LRRC41: variants seen among roughly 807,000 people sequenced by gnomAD.
LRRC41 encodes the protein leucine rich repeat containing 41.
LRRC41 carries 17 observed loss-of-function variants against 72.1 expected under a neutral mutation model. That is an observed-to-expected ratio of 0.24 (90% CI 0.16 to 0.35). LRRC41 has a LOEUF of 0.35. Among genes scored for constraint, LRRC41 ranks in the 10% least tolerant of loss-of-function variants. The probability of loss-of-function intolerance (pLI) is 1.00; values close to 1 mark genes in which losing one functional copy is unlikely to be tolerated. For synonymous variants in LRRC41, 427 were observed against 431.0 expected (o/e 0.99, Z 0.11); for missense variants, 759 against 1,065.0 (o/e 0.71, Z 4.00).
chr1:46,284,429 A>G (rs1396808558), intron 4 of LRRC41: 1 of 152,200 alleles, frequency 6.6e-6, no homozygotes, highest in Non-Finnish European at 1.5e-5. Flanking sequence ...AATACTTAAA[A>G]TATGCCAGAC....
chr1:46,280,733 A>G (rs534839911), intron 5 of LRRC41, among the ~76,000 whole-genome samples, 173 bp from the exon 6 acceptor site: 1 of 152,362 alleles, frequency 6.6e-6, no homozygotes, highest in African/African-American at 2.4e-5. Flanking sequence ...AGCACTAAAT[A>G]TGAGATTTAG....
Position 46,285,894 on chromosome 1 carries a change from C to T in LRRC41, c.963G>A (p.Arg321=), listed in dbSNP as rs770766985. 1.2e-5 allele frequency: 18 copies of T among 1,553,184 alleles called. 1 individual carries two copies. The South Asian group carries it at 1.8e-4, about 16-fold the overall frequency. ...TCTCCTGTGTGCTCCGGCGTGTTAC[C>T]CGAGTGGCAGGTGCAGCTCTGGGCA... ...KQMPRAAPAT[R]VTRRSTQESL... is the part of the protein sequence containing the mutation. Residue 321 remains arginine (R), a synonymous_variant, in exon 4 of 10, where the codon CGG becomes CGA. Coordinates refer to ENST00000617190, the MANE Select transcript of LRRC41 (RefSeq NM_006369.5). This position sits in a 1 kb window ranked among gnomAD's most constrained non-coding sequence, Gnocchi z 5.3.
rs1661271515 is a variant in LRRC41, at chr1:46,302,802, G to C, written c.199+322C>G. 1.0e-6 allele frequency: 1 copy of C among 985,156 alleles called. No individual in the cohort carries two copies. The highest frequency in any genetic ancestry group is 1.2e-6 in the Non-Finnish European group (1 of 829,854). The allele number at this position is 985,156 out of a possible 1,614,324, so 61.0% of individuals were successfully genotyped here. On this transcript the variant is annotated intron_variant, in intron 1 of 9. Transcript: ENST00000617190. The surrounding 1 kb of genome is among the most constrained non-coding windows in gnomAD (Gnocchi z 4.7). Reference sequence around the variant, plus strand: ...AGACTCTCCTGCCCGGCCCAGCCGAGTGTCAGTTCGCGCGGCCCACAGCCG... The same window carrying C: ...AGACTCTCCTGCCCGGCCCAGCCGACTGTCAGTTCGCGCGGCCCACAGCCG...
intron 1 of LRRC41, chr1:46,301,900 A>C (rs1569670599): frequency 2.1e-6 from 2 of 935,962 alleles, no homozygotes; most frequent in African/African-American, 2.0e-5. Context: ...TCCCGACCCC[A>C]CCCTCACAGA....
chr1:46,281,424 G>C (rs1557712893), intron 4 of LRRC41, 39 bp from the exon 5 acceptor site: 10 of 1,599,858 alleles, frequency 6.3e-6, no homozygotes, highest in Non-Finnish European at 8.6e-6. Context: ...CCATGTGGGA[G>C]TGTCAGCAGG....
chr1:46,298,517 C>T (rs1661168433), intron 1 of LRRC41, 147 bp from the exon 2 acceptor site: 1 of 540,778 alleles, frequency 1.8e-6, no homozygotes, highest in Non-Finnish European at 3.3e-6. Flanking sequence ...TAATCTAGAT[C>T]TGTTCCAAAC....
chr1:46,284,644 G>A (rs1413247625), intron 4 of LRRC41, among the ~76,000 whole-genome samples: 1 of 152,040 alleles, frequency 6.6e-6, no homozygotes, highest in East Asian at 1.9e-4. Context: ...AGAGTTTATA[G>A]GCTGCTTAGC....
At position 46,285,755 on chromosome 1, in the gene LRRC41, A is replaced by C; in HGVS notation, c.1102T>G (p.Ser368Ala). ...CGTTTGTATGAGGATGTAGAAGAAG[A>C]GGCAGAGGAGGTGGCTGCTGGAGCA... ...PSAPAATSSASSSTSSYKRAP... is the reference protein window; with the variant it reads ...PSAPAATSSAASSTSSYKRAP... The change falls in exon 4 of 10, where the codon TCT becomes GCT. Residue 368 changes from serine to alanine, a missense_variant. Transcript: ENST00000617190. This position sits in a 1 kb window ranked among gnomAD's most constrained non-coding sequence, Gnocchi z 5.3. 1.2e-6 allele frequency: 2 copies of C among 1,600,792 alleles called. No homozygotes were observed. Among genetic ancestry groups the C allele is most frequent in the Non-Finnish European group, 1.7e-6 (2 of 1,173,460 alleles).
intron 1 of LRRC41, chr1:46,301,981 T>C: frequency 1.0e-6 from 1 of 985,280 alleles, no homozygotes. Context: ...AGAGCCTCAC[T>C]TTCCCCTCTT....
Position 46,278,417 on chromosome 1 carries a change from T to C in LRRC41, c.*448A>G, listed in dbSNP as rs1404069756. On this transcript the variant is annotated 3_prime_UTR_variant, in exon 10 of 10. Transcript: ENST00000617190. ...GGGCTGCATGATGTTTGCCCAAAATTTATTTTATAAGAAAAACTTTTTTGG... is the reference window on the plus strand; with the variant it reads ...GGGCTGCATGATGTTTGCCCAAAATCTATTTTATAAGAAAAACTTTTTTGG... 7.4e-6 allele frequency: 8 copies of C among 1,075,472 alleles called. No individual in the cohort carries two copies. The highest frequency in any genetic ancestry group is 1.1e-5 in the Non-Finnish European group (8 of 735,752). The allele number at this position is 1,075,472 out of a possible 1,614,324, so 66.6% of individuals were successfully genotyped here.
intron 1 of LRRC41, among the ~76,000 whole-genome samples, chr1:46,301,285 C>T (rs1251494712): frequency 6.6e-6 from 1 of 152,116 alleles, no homozygotes. Context: ...CCTGGGCCTC[C>T]GCACCCAGTC....
At position 46,294,494 on chromosome 1, in the gene LRRC41, C is replaced by T. The variant is rs111654325; in HGVS notation, c.357+3069G>A. ...ATGATCACAGCCTCCAACTCCTAGG[C>T]TCAAGCTATTCCTCTCACTTCAGCC... On this transcript the variant is annotated intron_variant, in intron 3 of 9. Coordinates refer to ENST00000617190, the MANE Select transcript of LRRC41 (RefSeq NM_006369.5). Among the ~76,000 whole-genome samples, 1,433 of 152,072 alleles carry T rather than the reference C, an allele frequency of 9.4e-3. 14 individuals are homozygous for T. Among genetic ancestry groups the T allele is most frequent in the Non-Finnish European group, 0.015 (997 of 67,992 alleles).
Position 46,277,892 on chromosome 1 carries a change from G to T in LRRC41, c.*973C>A, listed in dbSNP as rs1660662814. 14 of 1,614,110 alleles carry T rather than the reference G, an allele frequency of 8.7e-6. No homozygotes were observed. Among genetic ancestry groups the T allele is most frequent in the Non-Finnish European group, 1.2e-5 (14 of 1,180,004 alleles). Reference sequence around the variant, plus strand: ...ACTGAGCAGCTGTGTGGTGGATGAGGAGCAGGATGTAGAGCGCCACTTCTC... The same window carrying T: ...ACTGAGCAGCTGTGTGGTGGATGAGTAGCAGGATGTAGAGCGCCACTTCTC... On this transcript the variant is annotated 3_prime_UTR_variant, in exon 10 of 10. Coordinates refer to ENST00000617190, the MANE Select transcript of LRRC41 (RefSeq NM_006369.5).
At chr1:46,292,337 A>G (rs1661037097) in intron 3 of LRRC41, among the ~76,000 whole-genome samples, 1 of 151,940 alleles carries the variant, frequency 6.6e-6, no homozygotes, top group South Asian at 2.1e-4. Context: ...GGCTCAAGTG[A>G]TCCTCTTGCC....
chr1:46,281,082 T>A (rs1338496856), intron 5 of LRRC41, 43 bp downstream of exon 5: 1 of 1,603,268 alleles, frequency 6.2e-7, no homozygotes, highest in East Asian at 2.2e-5. Flanking sequence ...TGTGTGGGGA[T>A]ACACGTGCGT....
In LRRC41 at chr1:46,303,298, C is replaced by G. The variant is rs184327209; in HGVS notation, c.25G>C (p.Ala9Pro). 4 of 1,535,970 alleles carry G rather than the reference C, an allele frequency of 2.6e-6. No individual in the cohort carries two copies. In the African/African-American group the frequency reaches 5.5e-5, roughly 21 times the overall value. MAAPEAWR[A>P]RSCWFCEVAA... Reference sequence around the variant, plus strand: ...ACCTCACAGAACCAGCAACTCCGGGCGCGCCAGGCCTCGGGCGCCGCCATC... The same window carrying G: ...ACCTCACAGAACCAGCAACTCCGGGGGCGCCAGGCCTCGGGCGCCGCCATC... The change falls in exon 1 of 10, where the codon GCC becomes CCC. Residue 9 changes from alanine (A) to proline (P), a missense_variant. Physicochemically the swap from Ala to Pro is conservative, Grantham distance 27. Coordinates refer to ENST00000617190, the MANE Select transcript of LRRC41 (RefSeq NM_006369.5).
chr1:46,294,214 C>T (rs886948105), intron 3 of LRRC41, among the ~76,000 whole-genome samples: 21 of 150,048 alleles, frequency 1.4e-4, no homozygotes, highest in African/African-American at 5.1e-4. Flanking sequence ...TCCTGGGCTC[C>T]CTCCCACCTC....
chr1:46,285,654 G>A lies in LRRC41; in HGVS notation c.1203C>T (p.Arg401=). 1.2e-6 allele frequency: 2 copies of A among 1,614,200 alleles called. No homozygotes were observed. Among genetic ancestry groups the A allele is most frequent in the Non-Finnish European group, 1.7e-6 (2 of 1,180,028 alleles). Residue 401 remains arginine (R), a synonymous_variant, in exon 4 of 10, where the codon CGC becomes CGT. Transcript: ENST00000617190. The surrounding 1 kb of genome is among the most constrained non-coding windows in gnomAD (Gnocchi z 5.3). ...ACTCTGCACCAGGCCCCTGACGGGTGCGAGCACCCTTCTTCCCTGCAGCTC... is the reference window on the plus strand; with the variant it reads ...ACTCTGCACCAGGCCCCTGACGGGTACGAGCACCCTTCTTCCCTGCAGCTC... The part of the protein sequence containing the change: ...FKRAAGKKGA[R]TRQGPGAESE...
At chr1:46,280,144 C>A (rs768863992) in intron 7 of LRRC41, 48 bp downstream of exon 7, 4 of 1,413,960 alleles carry the variant, frequency 2.8e-6, no homozygotes, top group Non-Finnish European at 3.0e-6. Context: ...TATGGCAGAA[C>A]CATAGTGAAG....
Sources: allele counts gnomAD v4.1 joint callset (sites outside exome capture counted in the v4.1 genomes callset), GRCh38; gene constraint gnomAD v4.1.1; non-coding constraint Gnocchi (gnomAD v3.1); transcripts MANE v1.5; gene names NCBI Gene and HGNC (gene_info 2026-07-23, HGNC 2026-07-21).